Variants in CDH13 observed in about 807,000 individuals in gnomAD.
The protein encoded by CDH13 is cadherin 13, also known as cadherin-13.
CDH13 carries 24 observed loss-of-function variants against 63.8 expected under a neutral mutation model. That is an observed-to-expected ratio of 0.38 (90% CI 0.27 to 0.53). The LOEUF (loss-of-function observed/expected upper bound fraction) is 0.53. Ranked by LOEUF, CDH13 falls within the 20% of genes least tolerant of loss-of-function variation. CDH13 has a pLI of 0.85. For synonymous variants in CDH13, 503 were observed against 355.3 expected (o/e 1.42, Z -4.67); for missense variants, 1,049 against 903.1 (o/e 1.16, Z -2.07).
At chr16:82,771,530 C>T (rs1026929817) in intron 1 of CDH13, among the ~76,000 whole-genome samples, 1 of 152,206 alleles carries the variant, frequency 6.6e-6, no homozygotes, top group Admixed American at 6.5e-5. Flanking sequence ...GACTCTTCCT[C>T]CCCGAAAGTG....
intron 5 of CDH13, among the ~76,000 whole-genome samples, chr16:83,310,791 C>T (rs182823553): frequency 1.5e-3 from 221 of 152,218 alleles, no homozygotes; most frequent in Non-Finnish European, 2.5e-3. Context: ...AACCTAGGAC[C>T]CTGAAGCTGA....
At chr16:83,097,989 A>C (rs1057022887) in intron 3 of CDH13, among the ~76,000 whole-genome samples, 1 of 152,226 alleles carries the variant, frequency 6.6e-6, no homozygotes, top group African/African-American at 2.4e-5. Context: ...GTCAAGAAGC[A>C]TATCTGGATG....
chr16:83,340,211 A>G (rs1254533569), intron 5 of CDH13, among the ~76,000 whole-genome samples: 1 of 152,222 alleles, frequency 6.6e-6, no homozygotes, highest in Non-Finnish European at 1.5e-5. Context: ...TTAGAAGGAC[A>G]TTGGAAAAAA....
chr16:82,835,888 G>C (rs1567583988), intron 1 of CDH13, among the ~76,000 whole-genome samples: 1 of 152,150 alleles, frequency 6.6e-6, no homozygotes, highest in Non-Finnish European at 1.5e-5. Flanking sequence ...ATCACACCAG[G>C]AAGTCTCTGC....
intron 7 of CDH13, among the ~76,000 whole-genome samples, chr16:83,587,498 G>T (rs367568512): frequency 6.6e-6 from 1 of 152,126 alleles, no homozygotes; most frequent in Non-Finnish European, 1.5e-5. Context: ...GTGTGGAGCC[G>T]ATTACACAGC....
At chr16:83,219,913 T>A (rs796129024) in intron 5 of CDH13, among the ~76,000 whole-genome samples, 2 of 152,346 alleles carry the variant, frequency 1.3e-5, no homozygotes, top group Middle Eastern at 3.4e-3. Context: ...CTTCTGTGTG[T>A]AGGTGACATG....
At position 83,357,612 on chromosome 16, in the gene CDH13, G is replaced by T. The variant is rs59427359; in HGVS notation, c.781+12606G>T. On this transcript the variant is annotated intron_variant, in intron 6 of 13. Transcript: ENST00000567109. ...GAGACACTTTGGGTTCCACACTGGG[G>T]AAGAAGAGGGTACAACTGGCATCGA... Among the ~76,000 whole-genome samples, 1,352 of 152,240 alleles carry T rather than the reference G, an allele frequency of 8.9e-3. 18 individuals are homozygous for T. The highest frequency in any genetic ancestry group is 0.031 in the African/African-American group (1,303 of 41,538).
chr16:82,954,543 C>G (rs560192079), intron 2 of CDH13: 2 of 152,166 alleles, frequency 1.3e-5, no homozygotes, highest in South Asian at 4.1e-4. Flanking sequence ...TTTTTTTGCT[C>G]CCTGTGTCTG....
chr16:82,958,784 G>A (rs539493916), intron 2 of CDH13, among the ~76,000 whole-genome samples: 2 of 152,200 alleles, frequency 1.3e-5, no homozygotes, highest in East Asian at 3.9e-4. Context: ...AAAGAGAGAC[G>A]GTTAACTTGG....
In CDH13 at chr16:83,207,103, A is replaced by AT. The variant is rs954558556; in HGVS notation, c.484-10234dup. Among the ~76,000 whole-genome samples, 22 of 152,242 alleles carry AT rather than the reference A, an allele frequency of 1.4e-4. 1 individual carries two copies. Among genetic ancestry groups the AT allele is most frequent in the Admixed American group, 4.6e-4 (7 of 15,286 alleles). On this transcript the variant is annotated intron_variant, in intron 4 of 13. Transcript: ENST00000567109. ...ATGTGGCCTACAAAGAGAAAATACT[A>AT]TTTTTTTTAATTGTGGTAAAATGTA...
chr16:83,710,949 G>A (rs755811244), intron 10 of CDH13, among the ~76,000 whole-genome samples: 5 of 152,200 alleles, frequency 3.3e-5, no homozygotes, highest in Admixed American at 2.0e-4. Context: ...GCTGAACTAC[G>A]ATGAATGTTA....
chr16:83,080,659 A>T (rs570136372), intron 3 of CDH13, among the ~76,000 whole-genome samples: 3 of 152,204 alleles, frequency 2.0e-5, no homozygotes, highest in African/African-American at 7.2e-5. Context: ...GTGCCATTAT[A>T]TCAGAAAAGT....
At chr16:83,209,809 T>C (rs1302098724) in intron 4 of CDH13, among the ~76,000 whole-genome samples, 6 of 151,782 alleles carry the variant, frequency 4.0e-5, no homozygotes, top group African/African-American at 1.5e-4. Context: ...TAAGTCTGCA[T>C]GGAGTGGGCA....
Position 83,551,094 on chromosome 16 carries a change from A to ATCTG in CDH13, c.961-51357_961-51356insGTCT, listed in dbSNP as rs1227835134. Among the ~76,000 whole-genome samples the ATCTG allele has an allele frequency of 1.6e-3, 247 of 150,750 alleles. 1 individual carries two copies. Among genetic ancestry groups the ATCTG allele is most frequent in the African/African-American group, 5.5e-3 (225 of 41,004 alleles). ...TATCTATCTATCTATCTATCTATCT[A>ATCTG]TCTTTGAGACAGCTTCTCACTCCAT... On this transcript the variant is annotated intron_variant, in intron 7 of 13. Coordinates refer to ENST00000567109, the MANE Select transcript of CDH13 (RefSeq NM_001257.5).
chr16:83,096,049 G>A (rs2034176649), intron 3 of CDH13, among the ~76,000 whole-genome samples: 3 of 152,160 alleles, frequency 2.0e-5, no homozygotes, highest in African/African-American at 4.8e-5. Flanking sequence ...GATGCAGTGG[G>A]GAAGCATGCA....
chr16:83,443,360 A>C (rs2072540232), intron 6 of CDH13, among the ~76,000 whole-genome samples: 1 of 152,196 alleles, frequency 6.6e-6, no homozygotes, highest in Non-Finnish European at 1.5e-5. Flanking sequence ...GGAGCACTGC[A>C]CCCACAGACA....
intron 5 of CDH13, among the ~76,000 whole-genome samples, chr16:83,322,290 G>C (rs1028703590): frequency 6.6e-6 from 1 of 152,218 alleles, no homozygotes; most frequent in South Asian, 2.1e-4. Flanking sequence ...TTGCGAGGCA[G>C]AGCGTGTGCA....
chr16:83,221,640 C>T (rs944504347), intron 5 of CDH13, among the ~76,000 whole-genome samples: 7 of 92,338 alleles, frequency 7.6e-5, no homozygotes, highest in South Asian at 3.3e-4. Flanking sequence ...ATCTGTTAGG[C>T]GAGTGGGGGA....
At chr16:83,230,777 C>G (rs2039980320) in intron 5 of CDH13, among the ~76,000 whole-genome samples, 1 of 152,200 alleles carries the variant, frequency 6.6e-6, no homozygotes, top group Non-Finnish European at 1.5e-5. Flanking sequence ...CAGAGCGAGA[C>G]TCTGTCTCAA....
Sources: gnomAD v4.1 joint callset for allele counts (sites outside exome capture counted in the v4.1 genomes callset) on GRCh38, gnomAD v4.1.1 for gene constraint, MANE v1.5 for transcripts, NCBI Gene and HGNC (gene_info 2026-07-23, HGNC 2026-07-21) for gene names.